The following EN2 variants were observed in gnomAD, a reference collection of about 807,000 sequenced individuals.
The protein encoded by EN2 is homeobox protein engrailed-2.
In EN2, 7 loss-of-function variants were observed where a neutral mutation model predicts 25.0. The ratio of observed to expected loss-of-function variants is 0.28; its 90% CI spans 0.16 to 0.53. The LOEUF (loss-of-function observed/expected upper bound fraction) is 0.53, where lower values mean the gene tolerates loss of function less well. Ranked by LOEUF, EN2 falls within the 20% of genes least tolerant of loss-of-function variation. The probability of loss-of-function intolerance (pLI) is 0.96; values close to 1 mark genes in which losing one functional copy is unlikely to be tolerated. For missense variants in EN2, 524 were observed against 501.8 expected (o/e 1.04, Z -0.42); for synonymous variants, 277 against 243.3 (o/e 1.14, Z -1.29).
chr7:155,462,966 C>A lies in EN2; in HGVS notation c.*279C>A. 3.3e-6 allele frequency: 1 copy of A among 299,690 alleles called. No individual in the cohort carries two copies. Among genetic ancestry groups the A allele is most frequent in the Non-Finnish European group, 6.0e-6 (1 of 165,752 alleles). 18.6% of individuals were successfully genotyped at this position (299,690 alleles called of 1,614,324 possible). ...CGAAGGGGGCTGCTTAGGGTTTCAC[C>A]TTTTTTTAATCCCCTAAGCTCCATT... is the stretch of plus-strand genomic sequence containing the variant. On this transcript the variant is annotated 3_prime_UTR_variant, in exon 2 of 2. Transcript: ENST00000297375.
In EN2 at chr7:155,458,814, C is replaced by A; in HGVS notation, c.437C>A (p.Ala146Asp). ...GGCGCGGGCGGGCCGCTCCCAGCCG[C>A]CGGCAGCGACTCTCCGGGTGACGGG... Reference protein sequence around the residue: ...APGAGGPLPAAGSDSPGDGEG... With the variant: ...APGAGGPLPADGSDSPGDGEG... Residue 146 changes from alanine to aspartate, a missense_variant, in exon 1 of 2, where the codon GCC (alanine) becomes GAC (aspartate). Physicochemically the swap from Ala to Asp is moderately radical, Grantham distance 126. Coordinates refer to ENST00000297375, the MANE Select transcript of EN2 (RefSeq NM_001427.4). 7.1e-7 allele frequency: 1 copy of A among 1,414,596 alleles called. No individual in the cohort carries two copies. Among genetic ancestry groups the A allele is most frequent in the Non-Finnish European group, 9.1e-7 (1 of 1,096,904 alleles). 87.6% of individuals were successfully genotyped at this position (1,414,596 alleles called of 1,614,324 possible). A position where few individuals can be genotyped will look rare whatever the true frequency, so the allele number is the denominator to read the frequency against.
At position 155,464,504 on chromosome 7, in the gene EN2, T is replaced by G. The variant is rs1455535997; in HGVS notation, c.*1817T>G. ...ACGTTGTACATAATAGTGTAAACCTTTTTAAAAAGGAAAGTATAAAAACAA... is the reference window on the plus strand; with the variant it reads ...ACGTTGTACATAATAGTGTAAACCTGTTTAAAAAGGAAAGTATAAAAACAA... On this transcript the variant is annotated 3_prime_UTR_variant, in exon 2 of 2. Coordinates refer to ENST00000297375, the MANE Select transcript of EN2 (RefSeq NM_001427.4). 6.6e-6 allele frequency: 1 copy of G among 152,654 alleles called. No homozygotes were observed. Among genetic ancestry groups the G allele is most frequent in the African/African-American group, 2.4e-5 (1 of 41,468 alleles). The allele number at this position is 152,654 out of a possible 1,614,324, so 9.5% of individuals were successfully genotyped here.
rs1795658168 is a variant in EN2 at position 155,458,708 on chromosome 7, G to A, written c.331G>A (p.Gly111Arg). Residue 111 changes from glycine (G) to arginine (R), a missense_variant, in exon 1 of 2, where the codon GGA (glycine) becomes AGA (arginine). By Grantham distance (125) the Gly-to-Arg change is moderately radical. Coordinates refer to ENST00000297375, the MANE Select transcript of EN2 (RefSeq NM_001427.4). ...GGEGGASGAE[G>R]GGGAGGSEQL... Reference sequence around the variant, plus strand: ...CGAAGGCGGCGCGAGCGGTGCGGAGGGAGGCGGCGGCGCGGGCGGCTCGGA... The same window carrying A: ...CGAAGGCGGCGCGAGCGGTGCGGAGAGAGGCGGCGGCGCGGGCGGCTCGGA... The A allele has an allele frequency of 7.5e-7, 1 of 1,341,780 alleles. No individual in the cohort carries two copies. Among genetic ancestry groups the A allele is most frequent in the African/African-American group, 1.5e-5 (1 of 64,618 alleles). 83.1% of individuals were successfully genotyped at this position (1,341,780 alleles called of 1,614,324 possible).
chr7:155,463,649 G>C lies in EN2; in HGVS notation c.*962G>C, dbSNP rs890412165. 1 of 152,280 alleles carries C rather than the reference G, an allele frequency of 6.6e-6. No individual in the cohort carries two copies. The highest frequency in any genetic ancestry group is 1.5e-5 in the Non-Finnish European group (1 of 68,128). 9.4% of individuals were successfully genotyped at this position (152,280 alleles called of 1,614,324 possible). A position where few individuals can be genotyped will look rare whatever the true frequency, so the allele number is the denominator to read the frequency against. ...CTGGGCACTGCCTCCATGCAGAAGCGCTTCGAGGTTCTGGGGCTAAAGGCC... is the reference window on the plus strand; with the variant it reads ...CTGGGCACTGCCTCCATGCAGAAGCCCTTCGAGGTTCTGGGGCTAAAGGCC... On this transcript the variant is annotated 3_prime_UTR_variant, in exon 2 of 2. Coordinates refer to ENST00000297375, the MANE Select transcript of EN2 (RefSeq NM_001427.4).
chr7:155,462,237 C>A, intron 1 of EN2, 134 bp from the exon 2 acceptor site: 1 of 979,534 alleles, frequency 1.0e-6, no homozygotes, highest in Non-Finnish European at 1.5e-6. Flanking sequence ...TCTAGCCCCA[C>A]ATCTGGCGGT....
At chr7:155,460,274 G>A (rs888055215) in intron 1 of EN2, among the ~76,000 whole-genome samples, 1 of 152,210 alleles carries the variant, frequency 6.6e-6, no homozygotes, top group African/African-American at 2.4e-5. Flanking sequence ...GCGGGAGTTC[G>A]CTGAGCCAGC....
At chr7:155,460,653 CCAGA>C (rs1190137904) in intron 1 of EN2, among the ~76,000 whole-genome samples, 2 of 152,068 alleles carry the variant, frequency 1.3e-5, no homozygotes, top group African/African-American at 4.8e-5. Flanking sequence ...GGTTGGAAAC[CCAGA>C]CAGAGATGGG....
intron 1 of EN2, among the ~76,000 whole-genome samples, chr7:155,459,355 C>A (rs999221689): frequency 2.6e-5 from 4 of 152,218 alleles, no homozygotes; most frequent in African/African-American, 9.6e-5. Flanking sequence ...CCCTCTCTGT[C>A]TTCCACCCCG....
chr7:155,462,169 C>T (rs1795703753), intron 1 of EN2, among the ~76,000 whole-genome samples: 2 of 152,228 alleles, frequency 1.3e-5, no homozygotes, highest in South Asian at 4.1e-4. Flanking sequence ...TTACATCACA[C>T]GCAGTCCTCC....
intron 1 of EN2, 146 bp from the exon 2 acceptor site, chr7:155,462,225 A>G: frequency 2.3e-6 from 2 of 873,374 alleles, no homozygotes; most frequent in Admixed American, 2.5e-5. Flanking sequence ...CCCAGTCCGA[A>G]GTCTAGCCCC....
intron 1 of EN2, among the ~76,000 whole-genome samples, chr7:155,460,689 G>T (rs73494125): frequency 1.3e-5 from 2 of 152,250 alleles, no homozygotes; most frequent in African/African-American, 4.8e-5. Context: ...GGAGGCTGGG[G>T]CCTCTCCTGG....
At position 155,458,206 on chromosome 7, in the gene EN2, G is replaced by C; in HGVS notation, c.-172G>C. The C allele has an allele frequency of 1.1e-6, 1 of 878,990 alleles. No individual in the cohort carries two copies. The highest frequency in any genetic ancestry group is 1.5e-6 in the Non-Finnish European group (1 of 657,316). The allele number at this position is 878,990 out of a possible 1,614,324, so 54.4% of individuals were successfully genotyped here. On this transcript the variant is annotated 5_prime_UTR_variant, in exon 1 of 2. Transcript: ENST00000297375. ...GTGGATTCAAAGGTGGCTCCGCGCC[G>C]AGCGCGGCCGGCGACTTGTAGGACC...
intron 1 of EN2, among the ~76,000 whole-genome samples, chr7:155,460,291 C>T (rs1253684300): frequency 1.1e-4 from 16 of 152,224 alleles, no homozygotes; most frequent in Non-Finnish European, 2.2e-4. Context: ...CAGCCCCCAA[C>T]GGCCCGGGAG....
At chr7:155,462,021 CAG>C (rs146255748) in intron 1 of EN2, among the ~76,000 whole-genome samples, 1,597 of 152,354 alleles carry the variant, frequency 0.01, 30 homozygotes, top group African/African-American at 0.036. Context: ...TGTTCCTGAA[CAG>C]AGAGCCTCAG....
chr7:155,462,258 G>A (rs571506311), intron 1 of EN2, 113 bp from the exon 2 acceptor site: 8 of 1,231,012 alleles, frequency 6.5e-6, no homozygotes, highest in Admixed American at 4.6e-5. Context: ...TCAGCCTCGA[G>A]TGGCCTTGGG....
chr7:155,462,738 T>C lies in EN2; in HGVS notation c.*51T>C. 1 of 1,499,916 alleles carries C rather than the reference T, an allele frequency of 6.7e-7. No individual in the cohort carries two copies. Among genetic ancestry groups the C allele is most frequent in the Non-Finnish European group, 8.9e-7 (1 of 1,119,028 alleles). 92.9% of individuals were successfully genotyped at this position (1,499,916 alleles called of 1,614,324 possible). On this transcript the variant is annotated 3_prime_UTR_variant, in exon 2 of 2. Transcript: ENST00000297375. ...CAGTCCGCGCTAAACAATGCAATAA[T>C]TTAAAATCATAAAGGGCCAGTGTAT... is the stretch of plus-strand genomic sequence containing the variant.
At chr7:155,461,538 G>C (rs1266368264) in intron 1 of EN2, among the ~76,000 whole-genome samples, 1 of 152,228 alleles carries the variant, frequency 6.6e-6, no homozygotes, top group African/African-American at 2.4e-5. Flanking sequence ...GGGAGGGTCA[G>C]AAGTGGACCT....
At position 155,458,777 on chromosome 7, in the gene EN2, C is replaced by A. The variant is rs1233789023; in HGVS notation, c.400C>A (p.Pro134Thr). 7.2e-7 allele frequency: 1 copy of A among 1,387,722 alleles called. No individual in the cohort carries two copies. 86.0% of individuals were successfully genotyped at this position (1,387,722 alleles called of 1,614,324 possible). ...SGSREPRQNP[P>T]CAPGAGGPLP... ...CTCCCGAGAGCCCCGGCAGAACCCGCCATGTGCGCCCGGCGCGGGCGGGCC... is the reference window on the plus strand; with the variant it reads ...CTCCCGAGAGCCCCGGCAGAACCCGACATGTGCGCCCGGCGCGGGCGGGCC... Residue 134 changes from proline to threonine, a missense_variant, in exon 1 of 2, where the codon CCA (proline) becomes ACA (threonine). By Grantham distance (38) the Pro-to-Thr change is conservative. Coordinates refer to ENST00000297375, the MANE Select transcript of EN2 (RefSeq NM_001427.4).
In EN2 at chr7:155,458,900, G is replaced by A. The variant is rs778710892; in HGVS notation, c.523G>A (p.Gly175Ser). The A allele has an allele frequency of 2.7e-6, 4 of 1,498,492 alleles. No individual in the cohort carries two copies. In the South Asian group the frequency reaches 3.7e-5, roughly 14 times the overall value. 92.8% of individuals were successfully genotyped at this position (1,498,492 alleles called of 1,614,324 possible). ...GGAKKGGDPG[G>S]PLDGSLKARG... ...CGCCAAGAAAGGCGGCGACCCCGGC[G>A]GCCCCCTGGACGGGTCGCTCAAGGC... The change falls in exon 1 of 2, where the codon GGC (glycine) becomes AGC (serine). Residue 175 changes from glycine (G) to serine (S), a missense_variant. Coordinates refer to ENST00000297375, the MANE Select transcript of EN2 (RefSeq NM_001427.4).
Sources: gnomAD v4.1 joint callset for allele counts (sites outside exome capture counted in the v4.1 genomes callset) on GRCh38, gnomAD v4.1.1 for gene constraint, MANE v1.5 for transcripts, NCBI Gene and HGNC (gene_info 2026-07-23, HGNC 2026-07-21) for gene names.